Variants in PTPRT observed in about 807,000 individuals in gnomAD.
PTPRT encodes receptor-type tyrosine-protein phosphatase T.
A neutral mutation model predicts 176.8 loss-of-function variants in PTPRT; 56 were observed. The ratio of observed to expected loss-of-function variants is 0.32; its 90% CI spans 0.26 to 0.40. The LOEUF is 0.40. Among genes scored for constraint, PTPRT ranks in the 10% least tolerant of loss-of-function variants. PTPRT has a pLI of 1.00. For missense variants in PTPRT, 1,540 were observed against 1,908.2 expected (o/e 0.81, Z 3.60); for synonymous variants, 783 against 739.0 (o/e 1.06, Z -0.96).
intron 11 of PTPRT, among the ~76,000 whole-genome samples, chr20:42,320,315 G>A (rs1371001003): frequency 6.6e-6 from 1 of 152,238 alleles, no homozygotes; most frequent in East Asian, 1.9e-4. Flanking sequence ...GGTTTAAATG[G>A]TGGCTTGAGA....
chr20:42,790,239 CA>C (rs2077353195), intron 3 of PTPRT, among the ~76,000 whole-genome samples: 13 of 142,244 alleles, frequency 9.1e-5, no homozygotes, highest in African/African-American at 3.1e-4. Flanking sequence ...AAAAAAAAAA[CA>C]AAACTTTCAA....
At chr20:42,281,030 T>C (rs144976435) in intron 13 of PTPRT, among the ~76,000 whole-genome samples, 7 of 152,246 alleles carry the variant, frequency 4.6e-5, no homozygotes, top group African/African-American at 9.6e-5. Context: ...GAGCATACCA[T>C]AGTGAAGGAG....
intron 2 of PTPRT, among the ~76,000 whole-genome samples, chr20:42,796,130 C>T (rs575825974): frequency 1.3e-5 from 2 of 152,254 alleles, no homozygotes; most frequent in South Asian, 4.1e-4. Context: ...AATACTCAAA[C>T]CAATTATTCC....
intron 7 of PTPRT, among the ~76,000 whole-genome samples, chr20:42,512,955 G>T (rs904059086): frequency 6.6e-6 from 1 of 152,102 alleles, no homozygotes; most frequent in Admixed American, 6.6e-5. Context: ...CGCCTCCTGG[G>T]TTCAAGGGAT....
intron 7 of PTPRT, among the ~76,000 whole-genome samples, chr20:42,665,585 A>G (rs778868167): frequency 5.7e-4 from 86 of 152,188 alleles, no homozygotes; most frequent in Non-Finnish European, 1.1e-3. Context: ...CAGCCATCCA[A>G]TTACTGGGTA....
chr20:42,420,859 G>A (rs1277699077), intron 9 of PTPRT, among the ~76,000 whole-genome samples: 4 of 152,174 alleles, frequency 2.6e-5, no homozygotes, highest in Non-Finnish European at 5.9e-5. Context: ...GAATTGCTGC[G>A]GATAAGTGAG....
intron 1 of PTPRT, among the ~76,000 whole-genome samples, chr20:43,086,981 C>T (rs906690968): frequency 4.6e-5 from 7 of 152,198 alleles, no homozygotes; most frequent in Admixed American, 4.6e-4. Flanking sequence ...CAAACATATA[C>T]AATTGTGTGG....
At chr20:42,213,362 C>A (rs143086453) in intron 15 of PTPRT, among the ~76,000 whole-genome samples, 1 of 124,622 alleles carries the variant, frequency 8.0e-6, no homozygotes, top group Non-Finnish European at 1.8e-5. Context: ...ATTGAGTTGC[C>A]GTGAACACTC....
chr20:42,835,289 T>C (rs936491554), intron 2 of PTPRT, among the ~76,000 whole-genome samples: 4 of 150,838 alleles, frequency 2.7e-5, no homozygotes, highest in Non-Finnish European at 5.9e-5. Context: ...GAAAACAAAA[T>C]AATAAAGCAA....
chr20:42,198,820 G>C (rs1202188431), intron 16 of PTPRT, among the ~76,000 whole-genome samples: 1 of 152,142 alleles, frequency 6.6e-6, no homozygotes, highest in Non-Finnish European at 1.5e-5. Context: ...ACTCAGAGTG[G>C]AGACAGTCAT....
chr20:42,981,755 A>G (rs1983292448), intron 1 of PTPRT, among the ~76,000 whole-genome samples: 1 of 152,246 alleles, frequency 6.6e-6, no homozygotes, highest in South Asian at 2.1e-4. Context: ...TAAAACGGCT[A>G]TTGTATAAGC....
intron 1 of PTPRT, among the ~76,000 whole-genome samples, chr20:43,100,830 T>C (rs2012367269): frequency 6.6e-6 from 1 of 151,016 alleles, no homozygotes; most frequent in Admixed American, 6.6e-5. Flanking sequence ...GGCTACGTTA[T>C]GAAGATGACA....
At chr20:42,627,711 C>T (rs2074319140) in intron 7 of PTPRT, among the ~76,000 whole-genome samples, 1 of 152,036 alleles carries the variant, frequency 6.6e-6, no homozygotes, top group South Asian at 2.1e-4. Context: ...ATTTCTAGCC[C>T]TAGTTTTCAG....
intron 7 of PTPRT, among the ~76,000 whole-genome samples, chr20:42,623,646 C>T (rs1162086390): frequency 1.3e-5 from 2 of 152,080 alleles, no homozygotes; most frequent in Non-Finnish European, 1.5e-5. Flanking sequence ...GGAATTTTTG[C>T]AAAGCATGTC....
chr20:42,950,501 G>T (rs1288429175), intron 1 of PTPRT, among the ~76,000 whole-genome samples: 2 of 152,110 alleles, frequency 1.3e-5, no homozygotes, highest in Non-Finnish European at 2.9e-5. Context: ...GCAGAAGTCT[G>T]TGGAAACAGC....
the PTPRT span, among the ~76,000 whole-genome samples, chr20:42,054,390 A>G: frequency 2.6e-5 from 4 of 152,348 alleles, no homozygotes; most frequent in East Asian, 7.7e-4. Context: ...TTTGCACTTT[A>G]GAGAGACAGT....
At chr20:42,900,358 G>A (rs1372485791) in intron 1 of PTPRT, among the ~76,000 whole-genome samples, 2 of 152,170 alleles carry the variant, frequency 1.3e-5, no homozygotes, top group Non-Finnish European at 2.9e-5. Flanking sequence ...GCTATCTCTT[G>A]AGTGGTCCCT....
chr20:42,833,214 G>A (rs2078122656), intron 2 of PTPRT, among the ~76,000 whole-genome samples: 1 of 150,326 alleles, frequency 6.7e-6, no homozygotes, highest in South Asian at 2.1e-4. Flanking sequence ...TAGTCATGCA[G>A]TATAACTTAA....
rs771702039 is a variant in PTPRT at position 43,188,749 on chromosome 20, T to TGGGGG, written c.88+892_88+896dup. Among the ~76,000 whole-genome samples, 7 of 58,212 alleles carry TGGGGG rather than the reference T, an allele frequency of 1.2e-4. 1 individual carries two copies. Among genetic ancestry groups the TGGGGG allele is most frequent in the Admixed American group, 5.0e-4 (2 of 4,024 alleles). The allele number at this position is 58,212 out of a possible 152,430, so 38.2% of individuals were successfully genotyped here. ...CTTCTCTTCCCTCCGCCGCTACTCT[T>TGGGGG]GGGGGGGGGGGGGCTCGGGGGTGGA... On this transcript the variant is annotated intron_variant, in intron 1 of 30. Transcript: ENST00000373187.
Sources: allele counts gnomAD v4.1 joint callset (sites outside exome capture counted in the v4.1 genomes callset), GRCh38; gene constraint gnomAD v4.1.1; transcripts MANE v1.5; gene names NCBI Gene and HGNC (gene_info 2026-07-23, HGNC 2026-07-21).